TENM4: variants seen among roughly 807,000 people sequenced by gnomAD.
The protein encoded by TENM4 is teneurin transmembrane protein 4.
TENM4 carries 82 observed loss-of-function variants against 243.3 expected under a neutral mutation model. The ratio of observed to expected loss-of-function variants is 0.34; its 90% CI spans 0.28 to 0.40. The LOEUF is 0.40. TENM4 is among the 10% of genes least tolerant of loss of function. TENM4 has a pLI of 1.00. For synonymous variants in TENM4, 1,412 were observed against 1,456.3 expected (o/e 0.97, Z 0.69); for missense variants, 3,138 against 3,673.3 (o/e 0.85, Z 3.77).
chr11:78,875,759 A>G (rs1044947372), intron 9 of TENM4, among the ~76,000 whole-genome samples: 19 of 152,318 alleles, frequency 1.2e-4, no homozygotes, highest in African/African-American at 4.6e-4. Flanking sequence ...CACTTAACAA[A>G]TACTTACTGG....
chr11:79,151,038 A>T (rs1296879999), intron 3 of TENM4, among the ~76,000 whole-genome samples: 6 of 152,122 alleles, frequency 3.9e-5, no homozygotes, highest in Admixed American at 6.6e-5. Context: ...ACCGCAGTCC[A>T]TCCAATCATA....
chr11:78,821,297 C>G (rs1261226532), intron 12 of TENM4, among the ~76,000 whole-genome samples: 1 of 152,202 alleles, frequency 6.6e-6, no homozygotes, highest in African/African-American at 2.4e-5. Flanking sequence ...GCCATTATGT[C>G]TGGTTCTCCA....
chr11:78,772,629 T>C (rs919949117), intron 17 of TENM4, among the ~76,000 whole-genome samples: 1 of 150,586 alleles, frequency 6.6e-6, no homozygotes, highest in Non-Finnish European at 1.5e-5. Flanking sequence ...TGGGCCAAGA[T>C]AGCCACTCAC....
chr11:78,824,791 A>AC (rs1857814582), intron 12 of TENM4, among the ~76,000 whole-genome samples: 1 of 152,192 alleles, frequency 6.6e-6, no homozygotes, highest in Non-Finnish European at 1.5e-5. Flanking sequence ...GGCGTGGGCC[A>AC]CCAGGGGATT....
chr11:78,932,712 G>A (rs568406076), intron 6 of TENM4, among the ~76,000 whole-genome samples: 6 of 152,324 alleles, frequency 3.9e-5, no homozygotes, highest in East Asian at 1.9e-4. Flanking sequence ...GGCAGGTGGG[G>A]ATGGGGGTTT....
chr11:78,677,196 TTTCAAATCAAAATAGA>T (rs1166276838), intron 29 of TENM4, among the ~76,000 whole-genome samples: 1 of 152,148 alleles, frequency 6.6e-6, no homozygotes, highest in Non-Finnish European at 1.5e-5. Flanking sequence ...CATTTTAGAT[TTTCAAATCAAAATAGA>T]TTCCTAAAAG....
chr11:78,999,322 G>C (rs1174279294), intron 6 of TENM4, among the ~76,000 whole-genome samples: 1 of 152,098 alleles, frequency 6.6e-6, no homozygotes, highest in South Asian at 2.1e-4. Context: ...GACCATCCTG[G>C]CTAACATGGT....
At chr11:79,276,632 C>T (rs1192964672) in intron 2 of TENM4, among the ~76,000 whole-genome samples, 1 of 152,150 alleles carries the variant, frequency 6.6e-6, no homozygotes, top group African/African-American at 2.4e-5. Context: ...CTCTTTGGAT[C>T]CCATCTTGGA....
chr11:79,347,635 C>T (rs900528976), intron 1 of TENM4, among the ~76,000 whole-genome samples: 2 of 152,128 alleles, frequency 1.3e-5, no homozygotes, highest in Admixed American at 6.5e-5. Context: ...TTTGGCAAGC[C>T]GCTTCTCTGC....
At chr11:78,677,788 T>C (rs1040775191) in intron 29 of TENM4, among the ~76,000 whole-genome samples, 1 of 151,700 alleles carries the variant, frequency 6.6e-6, no homozygotes, top group East Asian at 1.9e-4. Flanking sequence ...TTTTTTTTAT[T>C]ATACTCTAAG....
At chr11:78,911,301 G>T (rs1163858832) in intron 6 of TENM4, among the ~76,000 whole-genome samples, 1 of 152,184 alleles carries the variant, frequency 6.6e-6, no homozygotes, top group African/African-American at 2.4e-5. Context: ...AGTAGGATGG[G>T]TAAACAGCTA....
chr11:78,865,237 A>T (rs2136229059), intron 9 of TENM4, among the ~76,000 whole-genome samples: 1 of 152,364 alleles, frequency 6.6e-6, no homozygotes, highest in South Asian at 2.1e-4. Context: ...AGGTATTAAT[A>T]ACCCCATTTT....
At chr11:79,165,794 C>G (rs1244643550) in intron 3 of TENM4, among the ~76,000 whole-genome samples, 1 of 152,152 alleles carries the variant, frequency 6.6e-6, no homozygotes, top group Non-Finnish European at 1.5e-5. Context: ...AGTCTTTGAT[C>G]TATCTTGTGT....
chr11:79,296,472 C>A (rs376794026), intron 2 of TENM4, among the ~76,000 whole-genome samples: 1 of 152,128 alleles, frequency 6.6e-6, no homozygotes, highest in Admixed American at 6.5e-5. Flanking sequence ...CACTCTCAGG[C>A]GGAGAAAACA....
intron 15 of TENM4, among the ~76,000 whole-genome samples, chr11:78,794,015 T>A (rs556065989): frequency 1.3e-5 from 2 of 152,364 alleles, no homozygotes; most frequent in African/African-American, 2.4e-5. Flanking sequence ...TGTTAAGCAC[T>A]TTTCCTTTTG....
intron 7 of TENM4, among the ~76,000 whole-genome samples, chr11:78,898,129 T>C (rs1047970188): frequency 3.3e-5 from 5 of 152,158 alleles, no homozygotes; most frequent in South Asian, 2.1e-4. Flanking sequence ...GATGCACCTA[T>C]AGAAGCTTAA....
chr11:79,404,982 C>G (rs574596224), intron 1 of TENM4, among the ~76,000 whole-genome samples: 2 of 152,164 alleles, frequency 1.3e-5, no homozygotes, highest in South Asian at 4.2e-4. Flanking sequence ...GTGTGCAGCA[C>G]CAGAGAAGAC....
chr11:78,839,446 G>A (rs563628147), intron 12 of TENM4, among the ~76,000 whole-genome samples: 1 of 152,094 alleles, frequency 6.6e-6, no homozygotes, highest in Non-Finnish European at 1.5e-5. Flanking sequence ...ATAAGTGGTT[G>A]TTGCAGGTAT....
At chr11:79,277,134 C>G (rs1856070953) in intron 2 of TENM4, among the ~76,000 whole-genome samples, 1 of 152,190 alleles carries the variant, frequency 6.6e-6, no homozygotes, top group Non-Finnish European at 1.5e-5. Flanking sequence ...GAGCCAGATA[C>G]AGAGAGAGCT....
Sources: gnomAD v4.1 joint callset for allele counts (sites outside exome capture counted in the v4.1 genomes callset) on GRCh38, gnomAD v4.1.1 for gene constraint, MANE v1.5 for transcripts, NCBI Gene and HGNC (gene_info 2026-07-23, HGNC 2026-07-21) for gene names.